Variants in VPS50 observed in about 807,000 individuals in gnomAD.
VPS50 encodes the protein VPS50 subunit of EARP/GARPII complex.
Under a neutral mutation model 139.7 loss-of-function variants are expected in VPS50, and 70 were observed. The ratio of observed to expected loss-of-function variants is 0.50; its 90% CI spans 0.41 to 0.61. The LOEUF (loss-of-function observed/expected upper bound fraction) is 0.61. Among genes scored for constraint, VPS50 ranks in the 20% least tolerant of loss-of-function variants. The pLI is 0.00. For synonymous variants in VPS50, 365 were observed against 376.7 expected (o/e 0.97, Z 0.36); for missense variants, 921 against 1,133.7 (o/e 0.81, Z 2.69).
chr7:93,263,929 A>G (rs1193498274), intron 9 of VPS50, among the ~76,000 whole-genome samples: 1 of 152,200 alleles, frequency 6.6e-6, no homozygotes, highest in Non-Finnish European at 1.5e-5. Flanking sequence ...ATAATACAAT[A>G]TAACTGTTTA....
intron 9 of VPS50, among the ~76,000 whole-genome samples, chr7:93,268,106 T>C (rs1362381331): frequency 1.3e-5 from 2 of 152,216 alleles, no homozygotes; most frequent in African/African-American, 4.8e-5. Context: ...CAGGACTAGA[T>C]AGCACTTGCC....
chr7:93,358,558 A>G lies in VPS50; in HGVS notation c.*122A>G. 2 of 792,894 alleles carry G rather than the reference A, an allele frequency of 2.5e-6. No homozygotes were observed. The highest frequency in any genetic ancestry group is 1.7e-5 in the African/African-American group (1 of 57,972). The allele number at this position is 792,894 out of a possible 1,614,324, so 49.1% of individuals were successfully genotyped here. A position where few individuals can be genotyped will look rare whatever the true frequency, so the allele number is the denominator to read the frequency against. On this transcript the variant is annotated 3_prime_UTR_variant, in exon 28 of 28. Transcript: ENST00000305866. Reference sequence around the variant, plus strand: ...AGAAAACTTTGTGCATGTTTTTTTGACTGGAAAGTGGAAAATATTGAAATG... The same window carrying G: ...AGAAAACTTTGTGCATGTTTTTTTGGCTGGAAAGTGGAAAATATTGAAATG...
At chr7:93,258,137 T>A (rs1343140255) in intron 6 of VPS50, 22 bp from the exon 7 acceptor site, 1 of 990,580 alleles carries the variant, frequency 1.0e-6, no homozygotes, top group Admixed American at 2.0e-5. Flanking sequence ...AACTTTTAAC[T>A]ATTTATTGTT....
At chr7:93,238,731 G>A (rs1195744357) in intron 1 of VPS50, among the ~76,000 whole-genome samples, 1 of 152,236 alleles carries the variant, frequency 6.6e-6, no homozygotes, top group East Asian at 1.9e-4. Flanking sequence ...TGATCCAAGG[G>A]TTATACTGAG....
intron 20 of VPS50, among the ~76,000 whole-genome samples, chr7:93,315,497 G>A (rs1416671522): frequency 2.0e-5 from 3 of 152,042 alleles, no homozygotes; most frequent in African/African-American, 7.2e-5. Context: ...GGTTACTAAC[G>A]AGCTTACTAA....
intron 20 of VPS50, among the ~76,000 whole-genome samples, chr7:93,312,952 T>A (rs1479557716): frequency 6.6e-6 from 1 of 152,226 alleles, no homozygotes; most frequent in African/African-American, 2.4e-5. Context: ...TTTGCTAGAT[T>A]ATGTTGAAGT....
chr7:93,354,921 A>G (rs1372182485), intron 26 of VPS50, among the ~76,000 whole-genome samples: 1 of 152,154 alleles, frequency 6.6e-6, no homozygotes, highest in East Asian at 1.9e-4. Flanking sequence ...CATTTGTTAT[A>G]CAAAATAATG....
chr7:93,316,344 G>T (rs1797428418), intron 20 of VPS50, among the ~76,000 whole-genome samples: 2 of 152,174 alleles, frequency 1.3e-5, no homozygotes, highest in Non-Finnish European at 2.9e-5. Flanking sequence ...TTCTAACAGG[G>T]GAGAGACCCC....
In VPS50 at chr7:93,289,639, T is replaced by C. The variant is rs144827915; in HGVS notation, c.943-2064T>C. 2.2e-3 allele frequency among the ~76,000 whole-genome samples: 333 copies of C among 152,188 alleles called. 1 individual carries two copies. Among genetic ancestry groups the C allele is most frequent in the East Asian group, 9.6e-3 (50 of 5,186 alleles). ...GATTCATGTTTTCTTCTAGTATAGT[T>C]TTATTTTTGACATTTAAATCTCTTA... On this transcript the variant is annotated intron_variant, in intron 12 of 27. Coordinates refer to ENST00000305866, the MANE Select transcript of VPS50 (RefSeq NM_017667.4).
chr7:93,357,272 G>C (rs1004732324), intron 27 of VPS50, among the ~76,000 whole-genome samples: 3 of 152,084 alleles, frequency 2.0e-5, no homozygotes, highest in Admixed American at 6.6e-5. Context: ...CCCGTTTTTT[G>C]AATTTCCTCT....
intron 6 of VPS50, chr7:93,257,802 G>A: frequency 4.2e-6 from 1 of 238,476 alleles, no homozygotes; most frequent in Non-Finnish European, 7.9e-6. Context: ...CAAATTACTA[G>A]GCAAATGAAA....
At chr7:93,310,629 ACTT>A (rs1347437832) in intron 19 of VPS50, among the ~76,000 whole-genome samples, 4 of 151,262 alleles carry the variant, frequency 2.6e-5, no homozygotes, top group Admixed American at 6.6e-5. Context: ...CCCTCTGTTC[ACTT>A]CTTCTACATG....
In VPS50 at chr7:93,243,142, G is replaced by C. The variant is rs533760242; in HGVS notation, c.102+3208G>C. ...CAAGTCAAATGGTAATCTATATACTGGAAATTTGGAATTTGGGTGGATAAA... is the reference window on the plus strand; with the variant it reads ...CAAGTCAAATGGTAATCTATATACTCGAAATTTGGAATTTGGGTGGATAAA... On this transcript the variant is annotated intron_variant, in intron 2 of 27. Coordinates refer to ENST00000305866, the MANE Select transcript of VPS50 (RefSeq NM_017667.4). 2.0e-5 allele frequency among the ~76,000 whole-genome samples: 3 copies of C among 152,034 alleles called. 1 individual carries two copies. The highest frequency in any genetic ancestry group is 2.0e-4 in the Admixed American group (3 of 15,246).
At chr7:93,301,576 A>C (rs1270344758) in intron 16 of VPS50, among the ~76,000 whole-genome samples, 1 of 152,156 alleles carries the variant, frequency 6.6e-6, no homozygotes, top group Admixed American at 6.5e-5. Context: ...TGTAATAAAT[A>C]CCACAAACCT....
intron 12 of VPS50, among the ~76,000 whole-genome samples, chr7:93,276,620 A>G (rs974058236): frequency 2.6e-5 from 4 of 152,176 alleles, no homozygotes; most frequent in Non-Finnish European, 4.4e-5. Context: ...CTTCTAAGCA[A>G]CCATCATTGC....
At chr7:93,288,532 C>A (rs185643893) in intron 12 of VPS50, among the ~76,000 whole-genome samples, 1 of 152,064 alleles carries the variant, frequency 6.6e-6, no homozygotes, top group Non-Finnish European at 1.5e-5. Context: ...AAAATACACA[C>A]GTAGGTTTTG....
chr7:93,343,546 TTGAAA>T (rs890589666), intron 23 of VPS50, among the ~76,000 whole-genome samples: 33 of 151,004 alleles, frequency 2.2e-4, no homozygotes, highest in Admixed American at 6.6e-4. Context: ...TTCACCAAAG[TTGAAA>T]TGAAGGAAAA....
intron 17 of VPS50, 34 bp downstream of exon 17, chr7:93,303,584 T>C: frequency 3.2e-6 from 3 of 950,058 alleles, no homozygotes; most frequent in Non-Finnish European, 4.9e-6. Flanking sequence ...AAATCTGTCT[T>C]TTAGTAATGT....
chr7:93,257,749 C>T (rs1040122098), intron 6 of VPS50: 2 of 269,394 alleles, frequency 7.4e-6, no homozygotes, highest in Non-Finnish European at 1.4e-5. Flanking sequence ...TCTAAAATTT[C>T]CAATCTGTTA....
Sources: allele counts gnomAD v4.1 joint callset (sites outside exome capture counted in the v4.1 genomes callset), GRCh38; gene constraint gnomAD v4.1.1; transcripts MANE v1.5; gene names NCBI Gene and HGNC (gene_info 2026-07-23, HGNC 2026-07-21).